The following ZSCAN25 variants were observed in gnomAD, a reference collection of about 807,000 sequenced individuals.
ZSCAN25 encodes zinc finger and SCAN domain containing 25.
ZSCAN25 carries 27 observed loss-of-function variants against 38.7 expected under a neutral mutation model. The observed-to-expected ratio is 0.70, with a 90% CI of 0.51 to 0.96. The LOEUF (loss-of-function observed/expected upper bound fraction) is 0.96. Ranked by LOEUF, ZSCAN25 falls within the 40% of genes least tolerant of loss-of-function variation. ZSCAN25 has a pLI of 0.00. For synonymous variants in ZSCAN25, 273 were observed against 277.7 expected (o/e 0.98, Z 0.17); for missense variants, 637 against 705.9 (o/e 0.90, Z 1.11).
chr7:99,638,751 T>C, the ZSCAN25 span: 3 of 1,124,048 alleles, frequency 2.7e-6, no homozygotes, highest in Non-Finnish European at 4.1e-6. Context: ...AGATTTTGCA[T>C]AGCACTTTCC....
the ZSCAN25 span, among the ~76,000 whole-genome samples, chr7:99,641,386 A>G: frequency 6.6e-6 from 1 of 152,152 alleles, no homozygotes; most frequent in South Asian, 2.1e-4. Context: ...CCATGATTCA[A>G]TTACCTTCCT....
rs926406070 is a variant in ZSCAN25 at position 99,631,771 on chromosome 7, T to C, written c.*1751T>C. ...TGGCTTAGCAAATGACGCTCCTTGG[T>C]CTTCCTGGCTCATTAGCTGTGCCCA... On this transcript the variant is annotated 3_prime_UTR_variant, in exon 8 of 8. Coordinates refer to ENST00000394152, the MANE Select transcript of ZSCAN25 (RefSeq NM_145115.3). 8 of 985,368 alleles carry C rather than the reference T, an allele frequency of 8.1e-6. No individual in the cohort carries two copies. In the East Asian group the frequency reaches 3.4e-4, roughly 42 times the overall value. The allele number at this position is 985,368 out of a possible 1,614,324, so 61.0% of individuals were successfully genotyped here. A position where few individuals can be genotyped will look rare whatever the true frequency, so the allele number is the denominator to read the frequency against.
At chr7:99,701,638 A>G in the ZSCAN25 span, among the ~76,000 whole-genome samples, 4 of 152,192 alleles carry the variant, frequency 2.6e-5, no homozygotes, top group African/African-American at 4.8e-5. Flanking sequence ...GATTAAAACC[A>G]TTTTAGCTGG....
At chr7:99,668,788 C>T in the ZSCAN25 span, among the ~76,000 whole-genome samples, 2 of 152,218 alleles carry the variant, frequency 1.3e-5, no homozygotes, top group Non-Finnish European at 2.9e-5. Flanking sequence ...GCCATTTGTA[C>T]GCATGTGTGG....
the ZSCAN25 span, chr7:99,713,640 G>T: frequency 1.3e-6 from 2 of 1,503,658 alleles, no homozygotes; most frequent in South Asian, 1.1e-5. Context: ...TAGCCCCTTG[G>T]AGACCAGAAA....
the ZSCAN25 span, chr7:99,684,896 G>C: frequency 3.1e-6 from 1 of 317,978 alleles, no homozygotes; most frequent in Non-Finnish European, 5.8e-6. Flanking sequence ...TGTCCTGTGA[G>C]AAACAAAGAA....
At position 99,630,139 on chromosome 7, in the gene ZSCAN25, G is replaced by A. The variant is rs918709331; in HGVS notation, c.*119G>A. On this transcript the variant is annotated 3_prime_UTR_variant, in exon 8 of 8. Transcript: ENST00000394152. ...ATCGCCTTCCCACCCATTCGCCAAC[G>A]CGGGAAAGGCAAGGCCTGGCTTACT... is the stretch of plus-strand genomic sequence containing the variant. The A allele has an allele frequency of 3.5e-6, 5 of 1,425,514 alleles. No individual in the cohort carries two copies. The highest frequency in any genetic ancestry group is 2.5e-5 in the East Asian group (1 of 39,406). The allele number at this position is 1,425,514 out of a possible 1,614,324, so 88.3% of individuals were successfully genotyped here. A position where few individuals can be genotyped will look rare whatever the true frequency, so the allele number is the denominator to read the frequency against.
chr7:99,692,727 C>A, the ZSCAN25 span, among the ~76,000 whole-genome samples: 2 of 152,116 alleles, frequency 1.3e-5, no homozygotes, highest in Admixed American at 1.3e-4. Context: ...AGTTCTTGTA[C>A]CATGGTTTTG....
chr7:99,646,888 ACTAT>A, the ZSCAN25 span, among the ~76,000 whole-genome samples: 7 of 150,576 alleles, frequency 4.6e-5, 1 homozygote, highest in South Asian at 2.1e-4. Context: ...TTATCTATCA[ACTAT>A]CTATTATCTA....
chr7:99,647,926 C>T, the ZSCAN25 span: 6 of 982,518 alleles, frequency 6.1e-6, no homozygotes, highest in Admixed American at 3.7e-4. Flanking sequence ...ATATAAATGT[C>T]ACTATTAGAG....
the ZSCAN25 span, among the ~76,000 whole-genome samples, chr7:99,729,769 A>G: frequency 0.011 from 1,610 of 151,974 alleles, 33 homozygotes; most frequent in African/African-American, 0.037. Flanking sequence ...ACCACCTTTA[A>G]CTGTAACTTT....
the ZSCAN25 span, among the ~76,000 whole-genome samples, chr7:99,694,852 A>G: frequency 6.6e-6 from 1 of 152,220 alleles, no homozygotes; most frequent in South Asian, 2.1e-4. Flanking sequence ...AGACCAGGTT[A>G]GGCACAAAGG....
Position 99,619,886 on chromosome 7 carries a change from C to T in ZSCAN25, c.280C>T (p.Leu94=), listed in dbSNP as rs773090004. 1 of 1,614,226 alleles carries T rather than the reference C, an allele frequency of 6.2e-7. No individual in the cohort carries two copies. The highest frequency in any genetic ancestry group is 8.5e-7 in the Non-Finnish European group (1 of 1,180,050). Residue 94 remains leucine (L), a synonymous_variant, in exon 4 of 8, where the codon CTG becomes TTG. Transcript: ENST00000394152. The part of the protein sequence containing the change: ...LLVLEQFLTI[L]PREFYAWIRE... ...GGTGCTGGAGCAGTTCCTCACTATCCTGCCCCGCGAGTTCTACGCCTGGAT... is the reference window on the plus strand; with the variant it reads ...GGTGCTGGAGCAGTTCCTCACTATCTTGCCCCGCGAGTTCTACGCCTGGAT...
At chr7:99,729,020 A>G in the ZSCAN25 span, among the ~76,000 whole-genome samples, 1 of 152,172 alleles carries the variant, frequency 6.6e-6, no homozygotes, top group Non-Finnish European at 1.5e-5. Context: ...ATCTAAACCA[A>G]TCTGGCCTGG....
At chr7:99,674,490 C>T in the ZSCAN25 span, 1 of 1,529,256 alleles carries the variant, frequency 6.5e-7, no homozygotes, top group Non-Finnish European at 9.1e-7. Context: ...GTAACCTCCT[C>T]ACAGTAGCAG....
At chr7:99,643,835 A>C in the ZSCAN25 span, among the ~76,000 whole-genome samples, 7 of 151,566 alleles carry the variant, frequency 4.6e-5, no homozygotes, top group East Asian at 1.4e-3. Flanking sequence ...TGCAGGAGGG[A>C]GATTGGAGAC....
At chr7:99,726,647 C>A in the ZSCAN25 span, among the ~76,000 whole-genome samples, 1 of 152,208 alleles carries the variant, frequency 6.6e-6, no homozygotes, top group East Asian at 1.9e-4. Context: ...TCTGGGACAG[C>A]CCTCATTACT....
the ZSCAN25 span, among the ~76,000 whole-genome samples, chr7:99,715,072 C>T: frequency 6.6e-6 from 1 of 152,128 alleles, no homozygotes; most frequent in South Asian, 2.1e-4. Context: ...ATCTCTGTCA[C>T]CTATCATAGG....
the ZSCAN25 span, among the ~76,000 whole-genome samples, chr7:99,687,718 G>T: frequency 0.03 from 4,587 of 152,216 alleles, 238 homozygotes; most frequent in African/African-American, 0.1. Flanking sequence ...ACTCATAATT[G>T]TCAGATTCAC....
Sources: allele counts gnomAD v4.1 joint callset (sites outside exome capture counted in the v4.1 genomes callset), GRCh38; gene constraint gnomAD v4.1.1; transcripts MANE v1.5; gene names NCBI Gene and HGNC (gene_info 2026-07-23, HGNC 2026-07-21).